CHST11: variants seen among roughly 807,000 people sequenced by gnomAD.
CHST11 encodes the protein C4S-1.
CHST11 carries 9 observed loss-of-function variants against 30.4 expected under a neutral mutation model. The ratio of observed to expected loss-of-function variants is 0.30; its 90% CI spans 0.18 to 0.52. The LOEUF is 0.52. Ranked by LOEUF, CHST11 falls within the 20% of genes least tolerant of loss-of-function variation. CHST11 has a pLI of 0.97. For synonymous variants in CHST11, 152 were observed against 187.8 expected (o/e 0.81, Z 1.56); for missense variants, 348 against 460.6 (o/e 0.76, Z 2.24).
intron 2 of CHST11, among the ~76,000 whole-genome samples, chr12:104,684,611 G>A (rs576163230): frequency 8.5e-5 from 13 of 152,306 alleles, no homozygotes; most frequent in East Asian, 1.9e-4. Flanking sequence ...GCAGTAGCGC[G>A]ATCTCAGCTG....
intron 1 of CHST11, among the ~76,000 whole-genome samples, chr12:104,493,448 G>T (rs1465191868): frequency 6.6e-6 from 1 of 152,172 alleles, no homozygotes; most frequent in African/African-American, 2.4e-5. Context: ...CACCTATGAG[G>T]TGCCAGGTGC....
chr12:104,481,138 T>G (rs1043920676), intron 1 of CHST11, among the ~76,000 whole-genome samples: 3 of 152,322 alleles, frequency 2.0e-5, no homozygotes, highest in Non-Finnish European at 4.4e-5. Context: ...AGGTACAGCC[T>G]TTCATGACTT....
chr12:104,544,142 G>GAAAT (rs1161904304), intron 1 of CHST11, among the ~76,000 whole-genome samples: 1 of 35,660 alleles, frequency 2.8e-5, no homozygotes, highest in African/African-American at 8.6e-5. Flanking sequence ...AAAAAAAAAA[G>GAAAT]AAAGAAAGAA....
At chr12:104,718,032 A>T (rs1241522888) in intron 2 of CHST11, among the ~76,000 whole-genome samples, 1 of 152,232 alleles carries the variant, frequency 6.6e-6, no homozygotes, top group Non-Finnish European at 1.5e-5. Context: ...GGACTTGTTC[A>T]TGGAGCCCCT....
chr12:104,573,304 A>G (rs976710277), intron 1 of CHST11, among the ~76,000 whole-genome samples: 2 of 152,210 alleles, frequency 1.3e-5, no homozygotes, highest in African/African-American at 4.8e-5. Flanking sequence ...TTATAGATTC[A>G]GTGCCATCCC....
chr12:104,654,876 G>A (rs937701853), intron 2 of CHST11, among the ~76,000 whole-genome samples: 6 of 151,974 alleles, frequency 3.9e-5, no homozygotes, highest in East Asian at 1.9e-4. Flanking sequence ...TCACCAGGCC[G>A]CTACCCCCTC....
chr12:104,492,981 C>T (rs540850805), intron 1 of CHST11, among the ~76,000 whole-genome samples: 63 of 151,232 alleles, frequency 4.2e-4, no homozygotes, highest in East Asian at 1.6e-3. Context: ...TGCAGTGAGC[C>T]GAGATCACAC....
intron 2 of CHST11, among the ~76,000 whole-genome samples, chr12:104,655,620 T>A (rs1011950980): frequency 6.6e-6 from 1 of 152,200 alleles, no homozygotes; most frequent in Non-Finnish European, 1.5e-5. Context: ...CAGAAAGATA[T>A]ACCAGAGAGT....
chr12:104,610,042 T>C (rs2039043154), intron 2 of CHST11, among the ~76,000 whole-genome samples: 1 of 125,264 alleles, frequency 8.0e-6, no homozygotes, highest in Non-Finnish European at 1.7e-5. Flanking sequence ...CATGAGTGCC[T>C]CTGTGTGTGT....
At chr12:104,593,167 G>A (rs1432436727) in intron 1 of CHST11, among the ~76,000 whole-genome samples, 4 of 152,150 alleles carry the variant, frequency 2.6e-5, no homozygotes, top group African/African-American at 9.7e-5. Flanking sequence ...CCTTCTACAG[G>A]CTGGGCGTCG....
intron 2 of CHST11, among the ~76,000 whole-genome samples, chr12:104,683,239 G>T (rs1359744757): frequency 6.6e-6 from 1 of 152,142 alleles, no homozygotes; most frequent in African/African-American, 2.4e-5. Flanking sequence ...CAAAACTAAG[G>T]CAGAGGCTTC....
intron 1 of CHST11, among the ~76,000 whole-genome samples, chr12:104,478,580 G>T (rs950549881): frequency 6.6e-6 from 1 of 152,190 alleles, no homozygotes; most frequent in Admixed American, 6.5e-5. Context: ...TTCCTGTTAA[G>T]TAGGATGTGG....
intron 1 of CHST11, among the ~76,000 whole-genome samples, chr12:104,598,216 G>T (rs983471792): frequency 1.1e-4 from 16 of 152,156 alleles, no homozygotes; most frequent in African/African-American, 3.6e-4. Context: ...CAACAGAGTA[G>T]GTCCTCATTG....
chr12:104,622,551 A>G (rs2136061566), intron 2 of CHST11, among the ~76,000 whole-genome samples: 1 of 152,324 alleles, frequency 6.6e-6, no homozygotes, highest in African/African-American at 2.4e-5. Context: ...AGATCAGAGT[A>G]TTAAATAACT....
At chr12:104,737,123 T>G (rs2040307736) in intron 2 of CHST11, among the ~76,000 whole-genome samples, 1 of 152,248 alleles carries the variant, frequency 6.6e-6, no homozygotes. Flanking sequence ...GAAAGGAAGT[T>G]AATCAGAACT....
At chr12:104,572,845 T>C (rs1397246674) in intron 1 of CHST11, among the ~76,000 whole-genome samples, 1 of 152,212 alleles carries the variant, frequency 6.6e-6, no homozygotes, top group Admixed American at 6.5e-5. Flanking sequence ...TTCAACATAG[T>C]GTTGGAAGTT....
At chr12:104,657,939 G>C (rs952425267) in intron 2 of CHST11, among the ~76,000 whole-genome samples, 1 of 152,192 alleles carries the variant, frequency 6.6e-6, no homozygotes, top group Non-Finnish European at 1.5e-5. Context: ...TTCAGTTGAC[G>C]GAGGGGGATT....
rs1375226320 is a variant in CHST11 at position 104,462,600 on chromosome 12, T to G, written c.118+5071T>G. Among the ~76,000 whole-genome samples the G allele has an allele frequency of 3.9e-5, 6 of 152,220 alleles. No homozygotes were observed. In the East Asian group the frequency reaches 1.2e-3, roughly 29 times the overall value. On this transcript the variant is annotated intron_variant, in intron 1 of 2. Transcript: ENST00000303694. ...CTTTTTGCTTATACATGGAATAGTT[T>G]GGAGTCTTACCAATTTGTAGGGGCT...
At chr12:104,477,808 G>A (rs2037578091) in intron 1 of CHST11, among the ~76,000 whole-genome samples, 2 of 152,198 alleles carry the variant, frequency 1.3e-5, no homozygotes, top group South Asian at 2.1e-4. Context: ...GACAAGGAAC[G>A]ATCCTTGAGC....
Sources: gnomAD v4.1 joint callset for allele counts (sites outside exome capture counted in the v4.1 genomes callset) on GRCh38, gnomAD v4.1.1 for gene constraint, MANE v1.5 for transcripts, NCBI Gene and HGNC (gene_info 2026-07-23, HGNC 2026-07-21) for gene names.